The following PRKCA variants were observed in gnomAD, a reference collection of about 807,000 sequenced individuals.
The protein encoded by PRKCA is protein kinase C alpha type.
In PRKCA, 27 loss-of-function variants were observed where a neutral mutation model predicts 87.0. The ratio of observed to expected loss-of-function variants is 0.31; its 90% CI spans 0.23 to 0.43. The LOEUF (loss-of-function observed/expected upper bound fraction) is 0.43, where lower values mean the gene tolerates loss of function less well. PRKCA is among the 20% of genes least tolerant of loss of function. PRKCA has a pLI of 1.00. For missense variants in PRKCA, 518 were observed against 852.3 expected (o/e 0.61, Z 4.88); for synonymous variants, 329 against 311.1 (o/e 1.06, Z -0.61).
At chr17:66,314,721 G>A (rs74610126) in intron 2 of PRKCA, among the ~76,000 whole-genome samples, 1 of 152,174 alleles carries the variant, frequency 6.6e-6, no homozygotes, top group Non-Finnish European at 1.5e-5. Flanking sequence ...AGTTTGAGGG[G>A]ATGGGTCAAT....
rs905993258 is a variant in PRKCA at position 66,810,062 on chromosome 17, C to T, written c.*6025C>T. The T allele has an allele frequency of 1.3e-5, 2 of 152,208 alleles. No homozygotes were observed. The highest frequency in any genetic ancestry group is 2.4e-5 in the African/African-American group (1 of 41,450). 9.4% of individuals were successfully genotyped at this position (152,208 alleles called of 1,614,324 possible). On this transcript the variant is annotated 3_prime_UTR_variant, in exon 17 of 17. Transcript: ENST00000413366. ...GTCTGTTTCATAGTTACCACTTACG[C>T]GAGTAGACAGAACTCGGCTTTTCAG...
At chr17:66,461,369 C>G (rs2143967171) in intron 2 of PRKCA, among the ~76,000 whole-genome samples, 1 of 152,246 alleles carries the variant, frequency 6.6e-6, no homozygotes, top group Admixed American at 6.5e-5. Context: ...CAGTCTCAAC[C>G]AGCATATGTC....
At chr17:66,403,360 T>C (rs1911151728) in intron 2 of PRKCA, among the ~76,000 whole-genome samples, 1 of 152,234 alleles carries the variant, frequency 6.6e-6, no homozygotes, top group African/African-American at 2.4e-5. Context: ...TTGGATGATG[T>C]ATTATTCCAT....
At position 66,586,041 on chromosome 17, in the gene PRKCA, C is replaced by T. The variant is rs552633074; in HGVS notation, c.289-55314C>T. ...CTTTCTGGATGACACAGGTTGTTGA[C>T]CATGGTTTAACATATTCAATAAGTT... On this transcript the variant is annotated intron_variant, in intron 3 of 16. Coordinates refer to ENST00000413366, the MANE Select transcript of PRKCA (RefSeq NM_002737.3). Among the ~76,000 whole-genome samples the T allele has an allele frequency of 2.0e-5, 3 of 152,280 alleles. No homozygotes were observed. The East Asian group carries it at 5.8e-4, about 29-fold the overall frequency.
chr17:66,420,296 A>G (rs951582886), intron 2 of PRKCA, among the ~76,000 whole-genome samples: 8 of 151,966 alleles, frequency 5.3e-5, no homozygotes, highest in Middle Eastern at 3.2e-3. Flanking sequence ...GGCGTGAACC[A>G]CCACACCTGG....
At chr17:66,623,753 G>A (rs1970761786) in intron 3 of PRKCA, among the ~76,000 whole-genome samples, 2 of 152,108 alleles carry the variant, frequency 1.3e-5, no homozygotes, top group African/African-American at 2.4e-5. Context: ...GCTCTGGAGG[G>A]CCCCTTTAAC....
rs531203694 is a variant in PRKCA at position 66,794,796 on chromosome 17, A to G, written c.1854+5817A>G. Among the ~76,000 whole-genome samples, 22 of 151,610 alleles carry G rather than the reference A, an allele frequency of 1.5e-4. No homozygotes were observed. In the South Asian group the frequency reaches 4.4e-3, roughly 30 times the overall value. On this transcript the variant is annotated intron_variant, in intron 16 of 16. Coordinates refer to ENST00000413366, the MANE Select transcript of PRKCA (RefSeq NM_002737.3). Reference sequence around the variant, plus strand: ...CCACCATGCCTGGCTAATTTTTTTTATATTTTTAGTAGAGATGGGGTTTTG... The same window carrying G: ...CCACCATGCCTGGCTAATTTTTTTTGTATTTTTAGTAGAGATGGGGTTTTG...
At chr17:66,699,668 G>C (rs1363558259) in intron 8 of PRKCA, among the ~76,000 whole-genome samples, 1 of 152,168 alleles carries the variant, frequency 6.6e-6, no homozygotes, top group African/African-American at 2.4e-5. Flanking sequence ...GCTCACTGCA[G>C]CTCAAACTCC....
intron 2 of PRKCA, among the ~76,000 whole-genome samples, chr17:66,399,121 CAG>C (rs1481769687): frequency 5.5e-5 from 3 of 54,274 alleles, no homozygotes; most frequent in African/African-American, 2.2e-4. Context: ...TTTTTTGAGA[CAG>C]GGCCTTGCTC....
intron 3 of PRKCA, among the ~76,000 whole-genome samples, chr17:66,614,888 G>A (rs1408771993): frequency 6.6e-6 from 1 of 151,990 alleles, no homozygotes; most frequent in Non-Finnish European, 1.5e-5. Context: ...GGATGCAGCT[G>A]TATACAGTAC....
At chr17:66,752,834 A>C (rs1444672300) in intron 13 of PRKCA, among the ~76,000 whole-genome samples, 1 of 152,136 alleles carries the variant, frequency 6.6e-6, no homozygotes, top group Non-Finnish European at 1.5e-5. Context: ...AAAGGCCAAA[A>C]ACAGAAGCCA....
In PRKCA at chr17:66,689,935, C is replaced by T. The variant is rs1360937005; in HGVS notation, c.918+888C>T. On this transcript the variant is annotated intron_variant, in intron 8 of 16. Transcript: ENST00000413366. This position sits in a 1 kb window ranked among gnomAD's most constrained non-coding sequence, Gnocchi z 4.1. ...AATTTCCCCGCTCTAGAGCAGTACA[C>T]GTGCACACGCACACATGTGTGTAGA... Among the ~76,000 whole-genome samples, 2 of 152,182 alleles carry T rather than the reference C, an allele frequency of 1.3e-5. No homozygotes were observed. The highest frequency in any genetic ancestry group is 2.9e-5 in the Non-Finnish European group (2 of 68,048).
rs191418860 is a variant in PRKCA, at chr17:66,614,967, G to C, written c.289-26388G>C. Among the ~76,000 whole-genome samples, 387 of 152,224 alleles carry C rather than the reference G, an allele frequency of 2.5e-3. 6 individuals carry two copies. The highest frequency in any genetic ancestry group is 6.3e-4 in the Non-Finnish European group (43 of 68,016). The stretch of plus-strand genomic sequence containing the variant: ...TCCCTCATGTGAAAGGAGTAGGGAG[G>C]GGGTGGGCCAGGGCTTCAGAGCAGT... On this transcript the variant is annotated intron_variant, in intron 3 of 16. Transcript: ENST00000413366.
At chr17:66,587,573 A>G (rs1054051389) in intron 3 of PRKCA, among the ~76,000 whole-genome samples, 4 of 151,802 alleles carry the variant, frequency 2.6e-5, no homozygotes, top group Admixed American at 2.0e-4. Context: ...AAACAGATAT[A>G]TATATAGATA....
chr17:66,505,383 A>G (rs1454302226), intron 3 of PRKCA, among the ~76,000 whole-genome samples: 5 of 152,282 alleles, frequency 3.3e-5, no homozygotes, highest in African/African-American at 7.2e-5. Context: ...ATTAGCTGGG[A>G]AAAAATGCGC....
intron 2 of PRKCA, among the ~76,000 whole-genome samples, chr17:66,424,568 A>AACACACACAC (rs141074503): frequency 0.24 from 33,351 of 141,860 alleles, 4,159 homozygotes; most frequent in South Asian, 0.3. Flanking sequence ...CCCTGTCTCA[A>AACACACACAC]ACACACACAC....
intron 5 of PRKCA, among the ~76,000 whole-genome samples, chr17:66,675,410 C>T (rs1344822876): frequency 6.6e-6 from 1 of 152,130 alleles, no homozygotes; most frequent in Non-Finnish European, 1.5e-5. Context: ...ACATTCAGAC[C>T]ACAGCACAGA....
intron 2 of PRKCA, among the ~76,000 whole-genome samples, chr17:66,321,559 T>C (rs887764446): frequency 6.6e-6 from 1 of 152,214 alleles, no homozygotes; most frequent in South Asian, 2.1e-4. Flanking sequence ...TTTAAAAATT[T>C]TTTTTAGACA....
At chr17:66,788,540 C>T (rs1268614782) in intron 15 of PRKCA, among the ~76,000 whole-genome samples, 1 of 151,948 alleles carries the variant, frequency 6.6e-6, no homozygotes, top group Non-Finnish European at 1.5e-5. Context: ...CATGGTGTCT[C>T]CAAAACAGAC....
Sources: allele counts gnomAD v4.1 joint callset (sites outside exome capture counted in the v4.1 genomes callset), GRCh38; gene constraint gnomAD v4.1.1; non-coding constraint Gnocchi (gnomAD v3.1); transcripts MANE v1.5; gene names NCBI Gene and HGNC (gene_info 2026-07-23, HGNC 2026-07-21).